The following GRID2 variants were observed in gnomAD, a reference collection of about 807,000 sequenced individuals.
GRID2 encodes glutamate receptor ionotropic, delta-2.
Under a neutral mutation model 114.8 loss-of-function variants are expected in GRID2, and 33 were observed. The ratio of observed to expected loss-of-function variants is 0.29; its 90% CI spans 0.22 to 0.38. The LOEUF is 0.38. Among genes scored for constraint, GRID2 ranks in the 10% least tolerant of loss-of-function variants. The pLI is 1.00. For synonymous variants in GRID2, 505 were observed against 449.9 expected (o/e 1.12, Z -1.55); for missense variants, 1,184 against 1,257.7 (o/e 0.94, Z 0.89).
intron 8 of GRID2, among the ~76,000 whole-genome samples, chr4:93,377,882 T>C (rs2149303291): frequency 6.6e-6 from 1 of 152,288 alleles, no homozygotes; most frequent in Non-Finnish European, 1.5e-5. Flanking sequence ...TCTGATTGTG[T>C]AATAAAAGAA....
In GRID2 at chr4:92,852,259, T is replaced by G. The variant is rs555722465; in HGVS notation, c.245-232736T>G. Among the ~76,000 whole-genome samples the G allele has an allele frequency of 2.0e-5, 3 of 151,936 alleles. No individual in the cohort carries two copies. The South Asian group carries it at 6.2e-4, about 32-fold the overall frequency. On this transcript the variant is annotated intron_variant, in intron 2 of 15. Transcript: ENST00000282020. ...GTTCTATTTTACTAGGAATTCCTCA[T>G]CTTTACCTTTTTTTCTCAGCTGAAT...
chr4:92,928,890 G>A (rs1189027383), intron 2 of GRID2, among the ~76,000 whole-genome samples: 2 of 151,250 alleles, frequency 1.3e-5, no homozygotes, highest in African/African-American at 2.4e-5. Context: ...ACCATCTTTG[G>A]CAACATATAG....
chr4:92,747,764 A>G (rs1394997813), intron 2 of GRID2, among the ~76,000 whole-genome samples: 1 of 152,160 alleles, frequency 6.6e-6, no homozygotes, highest in African/African-American at 2.4e-5. Context: ...TAAACATTCA[A>G]TAATATTTAT....
rs553679852 is a variant in GRID2, at chr4:92,707,212, T to C, written c.244+116926T>C. Among the ~76,000 whole-genome samples, 80 of 152,274 alleles carry C rather than the reference T, an allele frequency of 5.3e-4. No homozygotes were observed. The South Asian group carries it at 0.016, about 30-fold the overall frequency. On this transcript the variant is annotated intron_variant, in intron 2 of 15. Coordinates refer to ENST00000282020, the MANE Select transcript of GRID2 (RefSeq NM_001510.4). ...ATCTGAGTCTTCTGAAATTTGAAATTATTGATTTACATATATGGGAGGTCT... is the reference window on the plus strand; with the variant it reads ...ATCTGAGTCTTCTGAAATTTGAAATCATTGATTTACATATATGGGAGGTCT...
At chr4:92,932,754 G>T (rs1007277358) in intron 2 of GRID2, among the ~76,000 whole-genome samples, 7 of 151,276 alleles carry the variant, frequency 4.6e-5, no homozygotes, top group Admixed American at 3.3e-4. Context: ...ACGAATGCAG[G>T]CAAAATGTGG....
chr4:92,651,703 A>G (rs1345689215), intron 2 of GRID2, among the ~76,000 whole-genome samples: 1 of 152,080 alleles, frequency 6.6e-6, no homozygotes, highest in African/African-American at 2.4e-5. Context: ...CCATGAATTG[A>G]TATATAATCA....
chr4:92,816,135 G>A (rs1254931287), intron 2 of GRID2, among the ~76,000 whole-genome samples: 2 of 150,912 alleles, frequency 1.3e-5, no homozygotes, highest in Admixed American at 1.3e-4. Flanking sequence ...AGGCAACATG[G>A]TGAAACCCCA....
In GRID2 at chr4:92,439,959, G is replaced by A. The variant is rs1453599804; in HGVS notation, c.88+135215G>A. 1.4e-5 allele frequency among the ~76,000 whole-genome samples: 2 copies of A among 145,704 alleles called. 1 individual carries two copies. Among genetic ancestry groups the A allele is most frequent in the Non-Finnish European group, 3.1e-5 (2 of 64,478 alleles). Reference sequence around the variant, plus strand: ...TGAATAGGAGTATGACTAGACAGAAGATAGTAGGGATGACAAGTTTTTTGG... The same window carrying A: ...TGAATAGGAGTATGACTAGACAGAAAATAGTAGGGATGACAAGTTTTTTGG... On this transcript the variant is annotated intron_variant, in intron 1 of 15. Transcript: ENST00000282020.
intron 4 of GRID2, among the ~76,000 whole-genome samples, chr4:93,161,646 A>G (rs1367139540): frequency 6.6e-6 from 1 of 151,840 alleles, no homozygotes; most frequent in African/African-American, 2.4e-5. Flanking sequence ...ACTCAACACT[A>G]AGATTTTCAG....
chr4:92,958,968 A>G (rs963075608), intron 2 of GRID2, among the ~76,000 whole-genome samples: 1 of 151,396 alleles, frequency 6.6e-6, no homozygotes, highest in East Asian at 1.9e-4. Context: ...GTTGTTTACA[A>G]TATTCCTTTA....
chr4:93,324,701 C>A (rs1291323431), intron 8 of GRID2, among the ~76,000 whole-genome samples: 4 of 152,082 alleles, frequency 2.6e-5, no homozygotes, highest in African/African-American at 9.7e-5. Flanking sequence ...TTAATTATTG[C>A]CTCAATTTCA....
chr4:92,711,042 A>C (rs544319143), intron 2 of GRID2, among the ~76,000 whole-genome samples: 2 of 152,212 alleles, frequency 1.3e-5, no homozygotes, highest in Admixed American at 1.3e-4. Flanking sequence ...GAGGTTAAAA[A>C]ATCAGAATAC....
intron 14 of GRID2, among the ~76,000 whole-genome samples, chr4:93,645,166 T>C (rs1172302680): frequency 6.6e-6 from 1 of 152,144 alleles, no homozygotes; most frequent in Non-Finnish European, 1.5e-5. Flanking sequence ...GAACTTAGTG[T>C]TGAGCATCAA....
rs1395799113 is a variant in GRID2 at position 92,384,513 on chromosome 4, A to T, written c.88+79769A>T. 2.9e-3 allele frequency among the ~76,000 whole-genome samples: 90 copies of T among 31,268 alleles called. 1 individual carries two copies. Among genetic ancestry groups the T allele is most frequent in the African/African-American group, 0.012 (81 of 6,884 alleles). The allele number at this position is 31,268 out of a possible 152,430, so 20.5% of individuals were successfully genotyped here. On this transcript the variant is annotated intron_variant, in intron 1 of 15. Coordinates refer to ENST00000282020, the MANE Select transcript of GRID2 (RefSeq NM_001510.4). The stretch of plus-strand genomic sequence containing the variant: ...TATAATAAAAATATATATTATATAT[A>T]ATATTATATAATATAATATATAATA...
At chr4:92,354,844 G>C (rs1263110973) in intron 1 of GRID2, among the ~76,000 whole-genome samples, 1 of 151,894 alleles carries the variant, frequency 6.6e-6, no homozygotes, top group Non-Finnish European at 1.5e-5. Flanking sequence ...GAAATCTTAA[G>C]GGGACTTATA....
At chr4:92,506,616 G>A (rs375015685) in intron 1 of GRID2, among the ~76,000 whole-genome samples, 1 of 151,618 alleles carries the variant, frequency 6.6e-6, no homozygotes, top group African/African-American at 2.4e-5. Flanking sequence ...TTTTTTATTA[G>A]ATTAAGAGAA....
At chr4:92,423,275 A>AT (rs1441109089) in intron 1 of GRID2, among the ~76,000 whole-genome samples, 5 of 152,112 alleles carry the variant, frequency 3.3e-5, no homozygotes, top group Admixed American at 2.0e-4. Flanking sequence ...GATCATCCTA[A>AT]TTTTTTTAGC....
At chr4:93,112,833 A>G (rs1273127553) in intron 4 of GRID2, among the ~76,000 whole-genome samples, 2 of 152,068 alleles carry the variant, frequency 1.3e-5, no homozygotes, top group Admixed American at 1.3e-4. Flanking sequence ...TCCAATGTCT[A>G]TTCACATTTT....
intron 3 of GRID2, among the ~76,000 whole-genome samples, chr4:93,109,625 G>C (rs756952292): frequency 2.0e-5 from 3 of 151,928 alleles, no homozygotes; most frequent in Non-Finnish European, 4.4e-5. Context: ...TTGAGATCTA[G>C]TCTATTCATA....
Sources: allele counts gnomAD v4.1 joint callset (sites outside exome capture counted in the v4.1 genomes callset), GRCh38; gene constraint gnomAD v4.1.1; transcripts MANE v1.5; gene names NCBI Gene and HGNC (gene_info 2026-07-23, HGNC 2026-07-21).